FAF1: variants seen among roughly 807,000 people sequenced by gnomAD.
FAF1 encodes FAS-associated factor 1.
A neutral mutation model predicts 92.5 loss-of-function variants in FAF1; 25 were observed. The observed-to-expected ratio is 0.27, with a 90% confidence interval of 0.20 to 0.38. FAF1 has a LOEUF of 0.38. Among genes scored for constraint, FAF1 ranks in the 10% least tolerant of loss-of-function variants. FAF1 has a pLI of 1.00. For missense variants in FAF1, 636 were observed against 793.3 expected (o/e 0.80, Z 2.38); for synonymous variants, 234 against 273.2 (o/e 0.86, Z 1.42).
chr1:50,755,529 C>T (rs776739739), intron 4 of FAF1, among the ~76,000 whole-genome samples: 10 of 152,264 alleles, frequency 6.6e-5, no homozygotes, highest in Middle Eastern at 3.4e-3. Flanking sequence ...GCAAGCTGTC[C>T]GTGGATCTAC....
At chr1:50,743,487 C>A (rs1659468526) in intron 5 of FAF1, among the ~76,000 whole-genome samples, 1 of 150,826 alleles carries the variant, frequency 6.6e-6, no homozygotes, top group South Asian at 2.1e-4. Flanking sequence ...GCCACCACGC[C>A]CAGCTAATTT....
At chr1:50,717,033 C>T (rs1658206240) in intron 6 of FAF1, among the ~76,000 whole-genome samples, 1 of 152,178 alleles carries the variant, frequency 6.6e-6, no homozygotes. Context: ...GGAAGAAATT[C>T]CGTACACATC....
intron 8 of FAF1, among the ~76,000 whole-genome samples, chr1:50,606,593 A>G (rs751954079): frequency 2.2e-5 from 3 of 135,146 alleles, no homozygotes; most frequent in Non-Finnish European, 4.6e-5. Context: ...TCCGCCTCCC[A>G]GGTTCAAGCG....
At chr1:50,465,711 G>A (rs1220625915) in intron 18 of FAF1, among the ~76,000 whole-genome samples, 1 of 152,136 alleles carries the variant, frequency 6.6e-6, no homozygotes, top group Non-Finnish European at 1.5e-5. Flanking sequence ...AGAGAGGGCA[G>A]GGAAGGAAGA....
chr1:50,549,594 GTGAAA>G (rs1430617681), intron 13 of FAF1, among the ~76,000 whole-genome samples: 1 of 151,982 alleles, frequency 6.6e-6, no homozygotes, highest in Non-Finnish European at 1.5e-5. Flanking sequence ...GGCCAACAAG[GTGAAA>G]CCCCGTCTCT....
chr1:50,786,049 C>G (rs547660648), intron 4 of FAF1, among the ~76,000 whole-genome samples: 5 of 151,932 alleles, frequency 3.3e-5, no homozygotes, highest in African/African-American at 9.7e-5. Context: ...AGGGGGACTG[C>G]TTGAGCCCAG....
chr1:50,899,814 T>A (rs928289765), intron 1 of FAF1, among the ~76,000 whole-genome samples: 2 of 152,224 alleles, frequency 1.3e-5, no homozygotes, highest in Admixed American at 1.3e-4. Flanking sequence ...CTCAGGCTTC[T>A]TTCTAAGTTT....
intron 7 of FAF1, among the ~76,000 whole-genome samples, chr1:50,691,675 C>T (rs1433716368): frequency 3.3e-5 from 5 of 152,070 alleles, no homozygotes; most frequent in African/African-American, 1.2e-4. Context: ...TACGCAACCT[C>T]CACCTCCCGG....
rs573049422 is a variant in FAF1, at chr1:50,584,685, T to G, written c.967A>C (p.Met323Leu). 6.2e-7 allele frequency: 1 copy of G among 1,613,096 alleles called. No homozygotes were observed. The highest frequency in any genetic ancestry group is 1.3e-5 in the African/African-American group (1 of 74,996). ...ASSALRKSPM[M>L]PENAENEGDA... is the part of the protein sequence containing the mutation. ...GACCCAAAGAGCTATTAATACTCACTCATTGGAGATTTTCTCAAGGCAGAT... is the reference window on the plus strand; with the variant it reads ...GACCCAAAGAGCTATTAATACTCACGCATTGGAGATTTTCTCAAGGCAGAT... The change falls in exon 10 of 19, where the codon ATG becomes CTG. Residue 323 changes from methionine to leucine, a missense_variant and splice_region_variant. Transcript: ENST00000396153.
At chr1:50,711,466 T>A (rs1296200751) in intron 6 of FAF1, among the ~76,000 whole-genome samples, 3 of 121,750 alleles carry the variant, frequency 2.5e-5, no homozygotes, top group African/African-American at 1.1e-4. Context: ...ACACTGACTT[T>A]TTTTTTTTTT....
At chr1:50,743,626 C>A (rs1001845545) in intron 5 of FAF1, among the ~76,000 whole-genome samples, 1 of 152,034 alleles carries the variant, frequency 6.6e-6, no homozygotes, top group Admixed American at 6.6e-5. Flanking sequence ...CTGCGCCCAG[C>A]CAAAAGTTGA....
At chr1:50,643,179 T>C (rs889152267) in intron 8 of FAF1, among the ~76,000 whole-genome samples, 11 of 152,228 alleles carry the variant, frequency 7.2e-5, no homozygotes, top group Non-Finnish European at 1.6e-4. Flanking sequence ...TTATCTCTTT[T>C]AATGGATTTT....
chr1:50,551,081 T>C (rs1237197439), intron 13 of FAF1, among the ~76,000 whole-genome samples: 1 of 152,254 alleles, frequency 6.6e-6, no homozygotes, highest in Admixed American at 6.5e-5. Flanking sequence ...TATTCATATC[T>C]ATTTGCTACT....
Position 50,461,009 on chromosome 1 carries a change from C to G in FAF1, c.1869+14455G>C, listed in dbSNP as rs550997847. Among the ~76,000 whole-genome samples the G allele has an allele frequency of 3.9e-5, 6 of 152,186 alleles. No individual in the cohort carries two copies. In the South Asian group the frequency reaches 1.2e-3, roughly 32 times the overall value. On this transcript the variant is annotated intron_variant, in intron 18 of 18. Coordinates refer to ENST00000396153, the MANE Select transcript of FAF1 (RefSeq NM_007051.3). The stretch of plus-strand genomic sequence containing the variant: ...TAACATATATAACAAAGTTATGTAC[C>G]GAGTGGTTGATGAAAATGTGACGAG...
intron 6 of FAF1, among the ~76,000 whole-genome samples, chr1:50,707,999 G>A (rs1657760569): frequency 6.6e-6 from 1 of 152,218 alleles, no homozygotes; most frequent in Non-Finnish European, 1.5e-5. Flanking sequence ...TAGTAGAGAT[G>A]AGGTTTCACT....
intron 7 of FAF1, among the ~76,000 whole-genome samples, chr1:50,675,697 G>C (rs1167461931): frequency 1.3e-5 from 2 of 152,236 alleles, no homozygotes; most frequent in Non-Finnish European, 2.9e-5. Context: ...GTGGTTGCCA[G>C]TTTGCAACCT....
intron 4 of FAF1, among the ~76,000 whole-genome samples, chr1:50,758,971 T>C (rs143813643): frequency 1.3e-5 from 2 of 151,868 alleles, no homozygotes; most frequent in South Asian, 2.1e-4. Context: ...GCCTTCCGAG[T>C]AGCTGGGACT....
chr1:50,594,536 G>C (rs1187086100), intron 9 of FAF1, among the ~76,000 whole-genome samples: 5 of 142,214 alleles, frequency 3.5e-5, no homozygotes, highest in African/African-American at 2.6e-5. Flanking sequence ...TGTAGCCATG[G>C]AACAGAATTT....
chr1:50,604,894 C>T (rs560297224), intron 8 of FAF1, among the ~76,000 whole-genome samples: 2 of 152,230 alleles, frequency 1.3e-5, no homozygotes, highest in South Asian at 2.1e-4. Context: ...TTAATTATCT[C>T]ATATTTTCTT....
Sources: gnomAD v4.1 joint callset for allele counts (sites outside exome capture counted in the v4.1 genomes callset) on GRCh38, gnomAD v4.1.1 for gene constraint, MANE v1.5 for transcripts, NCBI Gene and HGNC (gene_info 2026-07-23, HGNC 2026-07-21) for gene names.